Variants in LMBRD2 observed in about 807,000 individuals in gnomAD.
The protein encoded by LMBRD2 is G protein-coupled receptor-associated protein LMBRD2.
LMBRD2 carries 55 observed loss-of-function variants against 94.4 expected under a neutral mutation model. The ratio of observed to expected loss-of-function variants is 0.58; its 90% CI spans 0.47 to 0.73. LMBRD2 has a LOEUF of 0.73. LMBRD2 is among the 30% of genes least tolerant of loss of function. The pLI, the probability that LMBRD2 is intolerant of heterozygous loss-of-function variation, is 0.00. For synonymous variants in LMBRD2, 246 were observed against 272.4 expected (o/e 0.90, Z 0.95); for missense variants, 640 against 831.9 (o/e 0.77, Z 2.84).
At chr5:36,129,273 G>A (rs572346919) in intron 6 of LMBRD2, among the ~76,000 whole-genome samples, 5 of 152,164 alleles carry the variant, frequency 3.3e-5, no homozygotes, top group Admixed American at 1.3e-4. Flanking sequence ...AGAACACCAA[G>A]AAGATTTATC....
intron 10 of LMBRD2, among the ~76,000 whole-genome samples, chr5:36,117,335 G>T (rs1199160939): frequency 1.3e-5 from 2 of 152,074 alleles, no homozygotes; most frequent in African/African-American, 2.4e-5. Context: ...AAAATTAGCA[G>T]GGGATGGTGG....
chr5:36,098,723 A>G lies in LMBRD2; in HGVS notation c.*5323T>C, dbSNP rs997727112. ...ATCAAAACCAAACTGAGCGAACACT[A>G]TGCATAGATAAGGCCAAAGTTACTA... On this transcript the variant is annotated 3_prime_UTR_variant, in exon 18 of 18. Coordinates refer to ENST00000296603, the MANE Select transcript of LMBRD2 (RefSeq NM_001007527.2). The G allele has an allele frequency of 6.6e-6, 1 of 152,104 alleles. No individual in the cohort carries two copies. 9.4% of individuals were successfully genotyped at this position (152,104 alleles called of 1,614,324 possible).
intron 13 of LMBRD2, among the ~76,000 whole-genome samples, chr5:36,112,443 G>C (rs1177901137): frequency 6.6e-6 from 1 of 152,028 alleles, no homozygotes; most frequent in Non-Finnish European, 1.5e-5. Flanking sequence ...CTAATAGTGT[G>C]GGAATTAGAC....
chr5:36,146,941 AGTGTGTGTGTGTGTGTGT>A (rs371000455), intron 1 of LMBRD2, among the ~76,000 whole-genome samples: 1 of 139,368 alleles, frequency 7.2e-6, no homozygotes, highest in Non-Finnish European at 1.6e-5. Context: ...TGTGTGTGTG[AGTGTGTGTGTGTGTGTGT>A]GTGTGTGTGT....
At position 36,111,198 on chromosome 5, in the gene LMBRD2, C is replaced by A; in HGVS notation, c.1701G>T (p.Met567Ile). The change falls in exon 14 of 18, where the codon ATG becomes ATT. Residue 567 changes from methionine (M) to isoleucine (I), a missense_variant. Around this residue, in one of 2 missense-constraint regions of LMBRD2, gnomAD observed 183 missense variants for 189.1 expected, o/e 0.97. Transcript: ENST00000296603. ...GFQQFMGDDDMTSDLVNEGKE... is the reference protein window; with the variant it reads ...GFQQFMGDDDITSDLVNEGKE... ...TTCCTTCATTAACTAAGTCTGATGTCATATCATCATCTCCCATAAACTGCT... is the reference window on the plus strand; with the variant it reads ...TTCCTTCATTAACTAAGTCTGATGTAATATCATCATCTCCCATAAACTGCT... 6.2e-7 allele frequency: 1 copy of A among 1,611,474 alleles called. No homozygotes were observed. The highest frequency in any genetic ancestry group is 1.1e-5 in the South Asian group (1 of 90,788).
chr5:36,114,672 A>T (rs1292902491), intron 12 of LMBRD2, 151 bp from the exon 13 acceptor site: 2 of 993,278 alleles, frequency 2.0e-6, no homozygotes, highest in Non-Finnish European at 1.3e-6. Context: ...CTTATTTTTT[A>T]AAATCTGCTT....
chr5:36,125,988 G>C (rs1347533186), intron 6 of LMBRD2, among the ~76,000 whole-genome samples: 1 of 152,234 alleles, frequency 6.6e-6, no homozygotes, highest in African/African-American at 2.4e-5. Flanking sequence ...AAAAAGTCCA[G>C]TGTGATTACA....
At position 36,105,284 on chromosome 5, in the gene LMBRD2, A is replaced by G. The variant is rs574965362; in HGVS notation, c.1898-87T>C. 4 of 1,221,578 alleles carry G rather than the reference A, an allele frequency of 3.3e-6. No homozygotes were observed. In the African/African-American group the frequency reaches 4.6e-5, roughly 14 times the overall value. The allele number at this position is 1,221,578 out of a possible 1,614,324, so 75.7% of individuals were successfully genotyped here. A position where few individuals can be genotyped will look rare whatever the true frequency, so the allele number is the denominator to read the frequency against. On this transcript the variant is annotated intron_variant, in intron 16 of 17. Transcript: ENST00000296603. ...CTATGGAGGTACAGAAAGAAAAATC[A>G]AAATTCCAAGGAATCTGAAGACAAA...
chr5:36,107,528 CT>C (rs1201632717), intron 16 of LMBRD2, among the ~76,000 whole-genome samples: 1 of 152,204 alleles, frequency 6.6e-6, no homozygotes, highest in Non-Finnish European at 1.5e-5. Context: ...TTGCTGATGG[CT>C]TGAATCACTC....
intron 1 of LMBRD2, among the ~76,000 whole-genome samples, chr5:36,146,722 T>G (rs1744549709): frequency 6.6e-6 from 1 of 152,132 alleles, no homozygotes; most frequent in Non-Finnish European, 1.5e-5. Context: ...CCTGTTCCCC[T>G]GCAAACTGAC....
rs1744265628 is a variant in LMBRD2 at position 36,136,213 on chromosome 5, C to T, written c.747+96G>A. The T allele has an allele frequency of 4.5e-6, 5 of 1,121,500 alleles. No homozygotes were observed. The Admixed American group carries it at 5.1e-5, about 12-fold the overall frequency. The allele number at this position is 1,121,500 out of a possible 1,614,324, so 69.5% of individuals were successfully genotyped here. ...CAACACCAGTTTTGCAGTCTGAAGC[C>T]CATCAATGCACTAACAACAACAACA... is the stretch of plus-strand genomic sequence containing the variant. On this transcript the variant is annotated intron_variant, in intron 6 of 17. Coordinates refer to ENST00000296603, the MANE Select transcript of LMBRD2 (RefSeq NM_001007527.2).
At chr5:36,136,584 A>G in intron 5 of LMBRD2, 65 bp from the exon 6 acceptor site, 2 of 1,366,012 alleles carry the variant, frequency 1.5e-6, no homozygotes, top group Non-Finnish European at 2.1e-6. Flanking sequence ...GACTGCATAA[A>G]TAGACTTTAA....
chr5:36,111,111 C>A, intron 14 of LMBRD2, 44 bp downstream of exon 14: 1 of 1,112,846 alleles, frequency 9.0e-7, no homozygotes. Context: ...TGAGTCTTAG[C>A]ACTTAGTATT....
chr5:36,140,958 A>T, intron 4 of LMBRD2, 149 bp downstream of exon 4: 1 of 535,370 alleles, frequency 1.9e-6, no homozygotes, highest in Admixed American at 3.6e-5. Context: ...GATAACTATG[A>T]GTTTGGAGCA....
At chr5:36,143,638 T>C (rs1744470646) in intron 1 of LMBRD2, among the ~76,000 whole-genome samples, 1 of 152,168 alleles carries the variant, frequency 6.6e-6, no homozygotes, top group Non-Finnish European at 1.5e-5. Context: ...TTTCAAAAAC[T>C]TAACAAAAAT....
intron 6 of LMBRD2, among the ~76,000 whole-genome samples, chr5:36,132,581 A>G (rs1744179640): frequency 6.6e-6 from 1 of 151,652 alleles, no homozygotes; most frequent in Non-Finnish European, 1.5e-5. Context: ...GTTAATAACC[A>G]GAATATATAA....
At chr5:36,116,433 C>G (rs1228585097) in intron 11 of LMBRD2, 27 bp downstream of exon 11, 28 of 1,604,620 alleles carry the variant, frequency 1.7e-5, no homozygotes, top group African/African-American at 4.0e-5. Context: ...TGACATTTCT[C>G]TTGTTTCTAA....
intron 9 of LMBRD2, among the ~76,000 whole-genome samples, chr5:36,119,257 A>G (rs1743831875): frequency 6.6e-6 from 1 of 152,102 alleles, no homozygotes; most frequent in African/African-American, 2.4e-5. Flanking sequence ...ACTTGTTGCT[A>G]TAGTGATGCC....
At chr5:36,113,347 C>T (rs155539) in intron 13 of LMBRD2, among the ~76,000 whole-genome samples, 2,187 of 152,014 alleles carry the variant, frequency 0.014, 55 homozygotes, top group African/African-American at 0.05. Flanking sequence ...AGTTGTAAGC[C>T]CTTAAAAGGG....
Sources: gnomAD v4.1 joint callset for allele counts (sites outside exome capture counted in the v4.1 genomes callset) on GRCh38, gnomAD v4.1.1 for gene constraint, gnomAD v4.1.1 regional missense constraint, MANE v1.5 for transcripts, NCBI Gene and HGNC (gene_info 2026-07-23, HGNC 2026-07-21) for gene names.